The following EFCAB5 variants were observed in gnomAD, a reference collection of about 807,000 sequenced individuals.
EFCAB5 encodes EF-hand calcium binding domain 5.
Under a neutral mutation model 167.9 loss-of-function variants are expected in EFCAB5, and 131 were observed. That is an observed-to-expected ratio of 0.78 (90% CI 0.68 to 0.90). EFCAB5 has a LOEUF of 0.90. Ranked by LOEUF, EFCAB5 falls within the 40% of genes least tolerant of loss-of-function variation. The pLI is 0.00. For missense variants in EFCAB5, 1,663 were observed against 1,745.2 expected (o/e 0.95, Z 0.84); for synonymous variants, 574 against 602.8 (o/e 0.95, Z 0.70).
intron 7 of EFCAB5, among the ~76,000 whole-genome samples, chr17:30,016,841 G>T (rs1256177232): frequency 6.6e-6 from 1 of 152,064 alleles, no homozygotes; most frequent in East Asian, 1.9e-4. Context: ...ACTTTTAAAT[G>T]AGATAGGATG....
intron 14 of EFCAB5, among the ~76,000 whole-genome samples, chr17:30,068,249 C>T (rs995691493): frequency 5.9e-5 from 9 of 151,756 alleles, no homozygotes; most frequent in Admixed American, 5.3e-4. Context: ...TTGCAGTGAG[C>T]TGAGATGGCG....
At chr17:30,068,620 C>T (rs1026223426) in intron 14 of EFCAB5, 11 of 1,482,822 alleles carry the variant, frequency 7.4e-6, no homozygotes, top group African/African-American at 4.2e-5. Flanking sequence ...GCTGCCTGTG[C>T]GGGTCGCTAG....
At chr17:29,959,522 C>T (rs897391550) in intron 3 of EFCAB5, among the ~76,000 whole-genome samples, 1 of 152,094 alleles carries the variant, frequency 6.6e-6, no homozygotes, top group Non-Finnish European at 1.5e-5. Context: ...GATGTTTATT[C>T]AAGGCCCATG....
chr17:30,033,305 C>G (rs2151736699), intron 7 of EFCAB5, among the ~76,000 whole-genome samples: 1 of 152,212 alleles, frequency 6.6e-6, no homozygotes, highest in Non-Finnish European at 1.5e-5. Context: ...GTCTCGATCT[C>G]CTGACCTTGT....
At chr17:30,045,567 G>A (rs776673698) in intron 8 of EFCAB5, among the ~76,000 whole-genome samples, 6 of 151,572 alleles carry the variant, frequency 4.0e-5, no homozygotes, top group Non-Finnish European at 7.4e-5. Context: ...GTCAAAACTC[G>A]TTGAACTATA....
chr17:30,015,001 CAAA>C (rs1421772951), intron 7 of EFCAB5, among the ~76,000 whole-genome samples: 1 of 152,152 alleles, frequency 6.6e-6, no homozygotes, highest in Non-Finnish European at 1.5e-5. Flanking sequence ...CTGGTGGTGA[CAAA>C]ATCTCTCAGC....
chr17:29,948,387 C>T (rs2067446184), intron 3 of EFCAB5, among the ~76,000 whole-genome samples: 1 of 151,988 alleles, frequency 6.6e-6, no homozygotes, highest in South Asian at 2.1e-4. Context: ...TTGTTTAAAT[C>T]GATTTATCCC....
chr17:30,068,977 G>A, intron 14 of EFCAB5: 1 of 1,482,106 alleles, frequency 6.7e-7, no homozygotes, highest in South Asian at 1.1e-5. Flanking sequence ...ACTACGAACA[G>A]AAGCTCACAA....
chr17:29,989,499 A>G (rs2068365194), intron 4 of EFCAB5, among the ~76,000 whole-genome samples: 1 of 152,236 alleles, frequency 6.6e-6, no homozygotes, highest in African/African-American at 2.4e-5. Context: ...AACTGTTCAC[A>G]GTCTAGCTCA....
At chr17:29,930,021 C>A in intron 1 of EFCAB5, 1 of 1,530,798 alleles carries the variant, frequency 6.5e-7, no homozygotes, top group Non-Finnish European at 8.8e-7. Flanking sequence ...CTGGGTTGTT[C>A]CGGGCAGGGC....
chr17:30,066,249 C>A (rs1247044831), intron 14 of EFCAB5, among the ~76,000 whole-genome samples: 2 of 151,974 alleles, frequency 1.3e-5, no homozygotes, highest in East Asian at 3.8e-4. Context: ...GAAATCATAT[C>A]AAATATCTTT....
intron 8 of EFCAB5, among the ~76,000 whole-genome samples, chr17:30,039,613 T>A (rs957575168): frequency 2.6e-5 from 4 of 152,178 alleles, no homozygotes; most frequent in Non-Finnish European, 5.9e-5. Flanking sequence ...AGTGGGTAGA[T>A]GTCATCTGGA....
chr17:30,065,946 T>C (rs937889156), intron 14 of EFCAB5, among the ~76,000 whole-genome samples: 17 of 146,920 alleles, frequency 1.2e-4, no homozygotes, highest in Admixed American at 9.3e-4. Context: ...ACTCTGATAT[T>C]ATAAAGCAAA....
upstream of EFCAB5, among the ~76,000 whole-genome samples, chr17:29,941,441 T>A (rs1207581903): frequency 6.6e-6 from 1 of 152,190 alleles, no homozygotes; most frequent in Non-Finnish European, 1.5e-5. Flanking sequence ...CACCTTGTTA[T>A]CTCAAAAATT....
intron 14 of EFCAB5, among the ~76,000 whole-genome samples, chr17:30,075,299 C>T (rs2070846830): frequency 6.6e-6 from 1 of 152,162 alleles, no homozygotes; most frequent in African/African-American, 2.4e-5. Flanking sequence ...GGCTATCCTC[C>T]TTACTCTGCT....
At chr17:29,983,458 G>A (rs1471372090) in intron 4 of EFCAB5, among the ~76,000 whole-genome samples, 1 of 152,230 alleles carries the variant, frequency 6.6e-6, no homozygotes, top group African/African-American at 2.4e-5. Flanking sequence ...TACAGGAACA[G>A]ACTCCACTTC....
chr17:29,999,152 C>A (rs1469743937), intron 6 of EFCAB5, among the ~76,000 whole-genome samples: 1 of 152,018 alleles, frequency 6.6e-6, no homozygotes, highest in African/African-American at 2.4e-5. Flanking sequence ...TTATTCAAGT[C>A]CATGACTGCA....
At chr17:30,026,645 A>G (rs894878452) in intron 7 of EFCAB5, among the ~76,000 whole-genome samples, 2 of 152,144 alleles carry the variant, frequency 1.3e-5, no homozygotes, top group Admixed American at 6.5e-5. Context: ...TTATTGTTCT[A>G]ACAAGGTCCA....
chr17:29,956,723 TA>T (rs2067622894), intron 3 of EFCAB5, among the ~76,000 whole-genome samples: 1 of 152,010 alleles, frequency 6.6e-6, no homozygotes, highest in African/African-American at 2.4e-5. Flanking sequence ...ACAACAGATA[TA>T]AAAGAGCACA....
Sources: gnomAD v4.1 joint callset for allele counts (sites outside exome capture counted in the v4.1 genomes callset) on GRCh38, gnomAD v4.1.1 for gene constraint, MANE v1.5 for transcripts, NCBI Gene and HGNC (gene_info 2026-07-23, HGNC 2026-07-21) for gene names.